Variants in EVI5 observed in about 807,000 individuals in gnomAD.
EVI5 encodes the protein ecotropic viral integration site 5, also known as ecotropic viral integration site 5 protein homolog.
In EVI5, 73 loss-of-function variants were observed where a neutral mutation model predicts 112.0. That is an observed-to-expected ratio of 0.65 (90% CI 0.54 to 0.79). The LOEUF (loss-of-function observed/expected upper bound fraction) is 0.79. EVI5 is among the 30% of genes least tolerant of loss of function. EVI5 has a pLI of 0.00. For missense variants in EVI5, 900 were observed against 968.8 expected (o/e 0.93, Z 0.94); for synonymous variants, 305 against 319.9 (o/e 0.95, Z 0.50).
intron 1 of EVI5, among the ~76,000 whole-genome samples, chr1:92,791,340 C>T (rs1315808687): frequency 1.3e-5 from 2 of 152,140 alleles, no homozygotes; most frequent in Non-Finnish European, 2.9e-5. Flanking sequence ...ACGTGATCAA[C>T]CCCTTTGAGC....
intron 19 of EVI5, among the ~76,000 whole-genome samples, chr1:92,519,799 G>A (rs1660576029): frequency 6.6e-6 from 1 of 151,614 alleles, no homozygotes; most frequent in South Asian, 2.1e-4. Flanking sequence ...GGGAGGCTGA[G>A]GTATGAGAAT....
intron 8 of EVI5, 122 bp downstream of exon 8, chr1:92,694,177 A>C (rs1669937918): frequency 1.6e-6 from 1 of 637,514 alleles, no homozygotes; most frequent in African/African-American, 1.9e-5. Context: ...CGGTAGGAGG[A>C]TCACTTGAAC....
At chr1:92,759,420 G>A (rs1681461910) in intron 1 of EVI5, among the ~76,000 whole-genome samples, 1 of 152,114 alleles carries the variant, frequency 6.6e-6, no homozygotes. Flanking sequence ...GTAAAACTGT[G>A]AACTAGCTAC....
chr1:92,615,728 T>C (rs894444083), intron 16 of EVI5, among the ~76,000 whole-genome samples: 4 of 152,058 alleles, frequency 2.6e-5, no homozygotes, highest in Non-Finnish European at 5.9e-5. Flanking sequence ...AAGATAATGT[T>C]GATTCTCCTC....
At chr1:92,598,427 G>A (rs10747445) in intron 18 of EVI5, among the ~76,000 whole-genome samples, 140,207 of 152,148 alleles carry the variant, frequency 0.92, 64,692 homozygotes, top group East Asian at 0.97. Context: ...GAAAAAAGTA[G>A]TAATTGTTAT....
intron 2 of EVI5, among the ~76,000 whole-genome samples, chr1:92,730,470 G>A (rs1310366215): frequency 6.6e-6 from 1 of 151,974 alleles, no homozygotes; most frequent in African/African-American, 2.4e-5. Flanking sequence ...GAAGCCAGGA[G>A]TTTGAGATTA....
At chr1:92,678,541 C>A (rs979063088) in intron 9 of EVI5, among the ~76,000 whole-genome samples, 2 of 151,942 alleles carry the variant, frequency 1.3e-5, no homozygotes, top group Admixed American at 1.3e-4. Context: ...AAGTGATAAA[C>A]CATTTTTTTA....
intron 18 of EVI5, among the ~76,000 whole-genome samples, chr1:92,592,596 A>G (rs1425983101): frequency 9.9e-5 from 15 of 152,230 alleles, no homozygotes; most frequent in Admixed American, 7.8e-4. Context: ...AAATAGAAAC[A>G]TTAAAAGCCC....
chr1:92,566,071 C>T (rs1669434964), intron 18 of EVI5, among the ~76,000 whole-genome samples: 1 of 151,714 alleles, frequency 6.6e-6, no homozygotes, highest in Non-Finnish European at 1.5e-5. Flanking sequence ...CAAATTGTAT[C>T]TCTAACTACC....
chr1:92,734,332 G>C (rs1020457641), intron 2 of EVI5, among the ~76,000 whole-genome samples: 1 of 152,094 alleles, frequency 6.6e-6, no homozygotes, highest in African/African-American at 2.4e-5. Context: ...ACTTCATTAC[G>C]GTCCGTGTAT....
intron 9 of EVI5, among the ~76,000 whole-genome samples, chr1:92,677,642 T>C (rs888141087): frequency 2.6e-5 from 4 of 152,292 alleles, no homozygotes; most frequent in African/African-American, 9.6e-5. Flanking sequence ...CTCTTCCTTA[T>C]AGAATTCCAA....
At chr1:92,561,103 C>T (rs899374702) in intron 19 of EVI5, among the ~76,000 whole-genome samples, 5 of 152,104 alleles carry the variant, frequency 3.3e-5, no homozygotes, top group African/African-American at 9.7e-5. Flanking sequence ...TTTTCTTTTG[C>T]GTTGGCTGCT....
chr1:92,710,340 C>A (rs1272270242), intron 2 of EVI5, among the ~76,000 whole-genome samples: 4 of 151,826 alleles, frequency 2.6e-5, no homozygotes, highest in Non-Finnish European at 5.9e-5. Context: ...AGAGTGAGAT[C>A]CTGTCTCGAA....
chr1:92,702,459 A>AAAATG (rs1671330301), intron 4 of EVI5, among the ~76,000 whole-genome samples: 1 of 150,634 alleles, frequency 6.6e-6, no homozygotes. Context: ...AAAATAAAAT[A>AAAATG]AAATAAAATA....
At chr1:92,683,545 A>G (rs1667951529) in intron 9 of EVI5, among the ~76,000 whole-genome samples, 1 of 152,186 alleles carries the variant, frequency 6.6e-6, no homozygotes, top group African/African-American at 2.4e-5. Flanking sequence ...ACAAAACTGG[A>G]TGGAGAATGA....
chr1:92,674,099 T>C (rs997797079), intron 10 of EVI5, among the ~76,000 whole-genome samples: 2 of 152,164 alleles, frequency 1.3e-5, no homozygotes, highest in African/African-American at 4.8e-5. Flanking sequence ...CAGAACCCAT[T>C]CTCTTGTAAA....
Position 92,660,854 on chromosome 1 carries a change from G to A in EVI5, c.1392+1865C>T, listed in dbSNP as rs1388445020. ...GAATGATAGAAATATTATTTGTTTTGATTGTGGTAGTGTTTCATAACTACA... is the reference window on the plus strand; with the variant it reads ...GAATGATAGAAATATTATTTGTTTTAATTGTGGTAGTGTTTCATAACTACA... On this transcript the variant is annotated intron_variant, in intron 13 of 19. Transcript: ENST00000684568. 3.3e-5 allele frequency among the ~76,000 whole-genome samples: 5 copies of A among 152,054 alleles called. No homozygotes were observed. The East Asian group carries it at 9.6e-4, about 29-fold the overall frequency.
intron 9 of EVI5, among the ~76,000 whole-genome samples, chr1:92,684,965 A>C (rs548785648): frequency 7.9e-5 from 12 of 152,196 alleles, no homozygotes; most frequent in Non-Finnish European, 1.5e-4. Context: ...GGGAGACTTT[A>C]ACACCCCACT....
rs796189257 is a variant in EVI5, at chr1:92,651,768, G to A, written c.1392+10951C>T. ...TGGGAGGCTGAGGCAGGAGAATGGC[G>A]TGAACCCGGGAGGCGGAGCTTGCAG... On this transcript the variant is annotated intron_variant, in intron 13 of 19. Coordinates refer to ENST00000684568, the MANE Select transcript of EVI5 (RefSeq NM_001350197.2). Among the ~76,000 whole-genome samples, 13 of 141,422 alleles carry A rather than the reference G, an allele frequency of 9.2e-5. 1 individual carries two copies. In the South Asian group the frequency reaches 1.2e-3, roughly 13 times the overall value. 92.8% of individuals were successfully genotyped at this position (141,422 alleles called of 152,430 possible).
Sources: allele counts gnomAD v4.1 joint callset (sites outside exome capture counted in the v4.1 genomes callset), GRCh38; gene constraint gnomAD v4.1.1; transcripts MANE v1.5; gene names NCBI Gene and HGNC (gene_info 2026-07-23, HGNC 2026-07-21).